Variants in TMEM163 observed in about 807,000 individuals in gnomAD.
TMEM163 encodes transmembrane protein 163.
A neutral mutation model predicts 29.3 loss-of-function variants in TMEM163; 17 were observed. The ratio of observed to expected loss-of-function variants is 0.58; its 90% CI spans 0.40 to 0.87. The LOEUF (loss-of-function observed/expected upper bound fraction) is 0.87, where lower values mean the gene tolerates loss of function less well. Ranked by LOEUF, TMEM163 falls within the 40% of genes least tolerant of loss-of-function variation. The probability of loss-of-function intolerance (pLI) is 0.00; values close to 1 mark genes in which losing one functional copy is unlikely to be tolerated. For synonymous variants in TMEM163, 157 were observed against 160.6 expected, an observed-to-expected ratio of 0.98 and a Z score of 0.17; for missense variants, 303 against 381.5, an observed-to-expected ratio of 0.79 and a Z score of 1.71.
At chr2:134,491,207 G>A (rs1311980913) in intron 5 of TMEM163, among the ~76,000 whole-genome samples, 2 of 152,170 alleles carry the variant, frequency 1.3e-5, no homozygotes, top group African/African-American at 4.8e-5. Flanking sequence ...ACCCATCTCT[G>A]ACGAACACCA....
intron 4 of TMEM163, among the ~76,000 whole-genome samples, chr2:134,504,411 T>C (rs1037446626): frequency 1.3e-5 from 2 of 151,948 alleles, no homozygotes; most frequent in Admixed American, 1.3e-4. Context: ...TACACATGGA[T>C]GATGGAAGGA....
At chr2:134,476,751 T>C (rs1319699855) in intron 5 of TMEM163, among the ~76,000 whole-genome samples, 1 of 152,176 alleles carries the variant, frequency 6.6e-6, no homozygotes, top group African/African-American at 2.4e-5. Flanking sequence ...TGGATGTGGG[T>C]AAACACTCCT....
intron 3 of TMEM163, among the ~76,000 whole-genome samples, chr2:134,551,043 C>A (rs867273880): frequency 6.6e-6 from 1 of 152,176 alleles, no homozygotes; most frequent in Admixed American, 6.5e-5. Context: ...TGACTCTCAA[C>A]GGGACTATTC....
chr2:134,672,947 C>T (rs1368230291), intron 2 of TMEM163, among the ~76,000 whole-genome samples: 1 of 152,160 alleles, frequency 6.6e-6, no homozygotes, highest in Non-Finnish European at 1.5e-5. Context: ...GTCCCTGCCT[C>T]TACTCCTATA....
intron 2 of TMEM163, among the ~76,000 whole-genome samples, chr2:134,571,843 T>C (rs761278815): frequency 5.9e-5 from 9 of 152,168 alleles, no homozygotes; most frequent in Non-Finnish European, 1.2e-4. Context: ...TACTGGGGGC[T>C]TGTTGCATAG....
chr2:134,503,115 ACC>A, intron 4 of TMEM163, 118 bp from the exon 5 acceptor site: 1 of 995,098 alleles, frequency 1.0e-6, no homozygotes, highest in South Asian at 1.6e-5. Context: ...AATTTGCCAC[ACC>A]CCCAGGGTGA....
At chr2:134,482,350 C>T (rs928424307) in intron 5 of TMEM163, among the ~76,000 whole-genome samples, 2 of 152,192 alleles carry the variant, frequency 1.3e-5, no homozygotes, top group African/African-American at 4.8e-5. Flanking sequence ...GCCACTGACA[C>T]TGAGCAGAGA....
intron 5 of TMEM163, chr2:134,468,793 G>A (rs180788554): frequency 6.6e-6 from 1 of 152,384 alleles, no homozygotes; most frequent in East Asian, 1.9e-4. Flanking sequence ...CGCCACCCAT[G>A]GCTTTGGTGG....
At chr2:134,661,929 C>CTTTTTT (rs1328565759) in intron 2 of TMEM163, among the ~76,000 whole-genome samples, 4 of 121,244 alleles carry the variant, frequency 3.3e-5, no homozygotes, top group East Asian at 2.6e-4. Flanking sequence ...AATTTTCTTT[C>CTTTTTT]TTTTTTTTTT....
chr2:134,494,253 A>G (rs910615794), intron 5 of TMEM163, among the ~76,000 whole-genome samples: 8 of 152,198 alleles, frequency 5.3e-5, no homozygotes, highest in Admixed American at 3.3e-4. Context: ...CTTGAGTAAC[A>G]ACAGTAAGAT....
intron 2 of TMEM163, among the ~76,000 whole-genome samples, chr2:134,571,264 A>C (rs1018126684): frequency 1.3e-5 from 2 of 152,238 alleles, no homozygotes; most frequent in Non-Finnish European, 2.9e-5. Context: ...GGCATTGCCC[A>C]TATACTGTCT....
rs187432667 is a variant in TMEM163, at chr2:134,533,733, T to C, written c.458+16837A>G. On this transcript the variant is annotated intron_variant, in intron 4 of 7. Transcript: ENST00000281924. Reference sequence around the variant, plus strand: ...CCGTGGCCTCCTACTGCTCCTATAATCAAAACTTCCTCCCCAGGCTCCCGA... The same window carrying C: ...CCGTGGCCTCCTACTGCTCCTATAACCAAAACTTCCTCCCCAGGCTCCCGA... Among the ~76,000 whole-genome samples, 13 of 152,222 alleles carry C rather than the reference T, an allele frequency of 8.5e-5. No individual in the cohort carries two copies. In the East Asian group the frequency reaches 2.5e-3, roughly 29 times the overall value.
chr2:134,591,052 C>A (rs1054706570), intron 2 of TMEM163, among the ~76,000 whole-genome samples: 37 of 152,150 alleles, frequency 2.4e-4, no homozygotes, highest in Non-Finnish European at 3.1e-4. Context: ...AAGCTAAGGG[C>A]CTACATGTAC....
chr2:134,485,146 T>C (rs1679280601), intron 5 of TMEM163, among the ~76,000 whole-genome samples: 1 of 152,156 alleles, frequency 6.6e-6, no homozygotes, highest in Non-Finnish European at 1.5e-5. Context: ...TACTGCAAAT[T>C]AAAAATGCAC....
chr2:134,589,846 T>C (rs970588671), intron 2 of TMEM163, among the ~76,000 whole-genome samples: 3 of 152,182 alleles, frequency 2.0e-5, no homozygotes, highest in Admixed American at 6.5e-5. Flanking sequence ...GGGGTCTGGA[T>C]TGGGACTCCT....
At chr2:134,530,068 T>C (rs534556442) in intron 4 of TMEM163, among the ~76,000 whole-genome samples, 5 of 152,190 alleles carry the variant, frequency 3.3e-5, no homozygotes, top group African/African-American at 1.2e-4. Flanking sequence ...AGGAAGCCCA[T>C]GTCCCCATTT....
intron 4 of TMEM163, among the ~76,000 whole-genome samples, chr2:134,533,757 G>A (rs1461995352): frequency 6.6e-6 from 1 of 152,042 alleles, no homozygotes; most frequent in Non-Finnish European, 1.5e-5. Flanking sequence ...CCAGGCTCCC[G>A]AGGCTCAGCT....
chr2:134,612,284 T>C (rs577752644), intron 2 of TMEM163, among the ~76,000 whole-genome samples: 17 of 152,300 alleles, frequency 1.1e-4, no homozygotes, highest in Non-Finnish European at 2.1e-4. Context: ...CAGCTGCCTC[T>C]AGTAGTCAAG....
chr2:134,497,590 A>G (rs1161774704), intron 5 of TMEM163, among the ~76,000 whole-genome samples: 3 of 152,164 alleles, frequency 2.0e-5, no homozygotes, highest in Non-Finnish European at 4.4e-5. Flanking sequence ...AAACAATATC[A>G]TCTTCTTCCT....
Sources: allele counts gnomAD v4.1 joint callset (sites outside exome capture counted in the v4.1 genomes callset), GRCh38; gene constraint gnomAD v4.1.1; transcripts MANE v1.5; gene names NCBI Gene and HGNC (gene_info 2026-07-23, HGNC 2026-07-21).